FAM227B: variants seen among roughly 807,000 people sequenced by gnomAD.
FAM227B encodes the protein protein FAM227B.
Under a neutral mutation model 73.8 loss-of-function variants are expected in FAM227B, and 88 were observed. That is an observed-to-expected ratio of 1.19 (90% CI 1.00 to 1.42). The LOEUF (loss-of-function observed/expected upper bound fraction) is 1.42. FAM227B is among the 40% of genes most tolerant of loss of function. The pLI is 0.00. For missense variants in FAM227B, 632 were observed against 590.9 expected (o/e 1.07, Z -0.72); for synonymous variants, 210 against 190.5 (o/e 1.10, Z -0.84).
chr15:49,403,954 T>C, intron 11 of FAM227B, among the ~76,000 whole-genome samples: 1 of 152,198 alleles, frequency 6.6e-6, no homozygotes, highest in East Asian at 1.9e-4. Context: ...TTCTGGTATG[T>C]TGCATCTTTG....
intron 11 of FAM227B, among the ~76,000 whole-genome samples, chr15:49,460,526 T>C (rs1417866546): frequency 5.3e-5 from 8 of 152,338 alleles, no homozygotes; most frequent in Middle Eastern, 3.4e-3. Context: ...TTACTACTTA[T>C]ATTTTGACAT....
At chr15:49,431,952 G>C (rs1266379607) in intron 11 of FAM227B, among the ~76,000 whole-genome samples, 1 of 151,628 alleles carries the variant, frequency 6.6e-6, no homozygotes, top group Non-Finnish European at 1.5e-5. Flanking sequence ...ATACAGAGGG[G>C]TTGAAATGAT....
At chr15:49,565,047 G>A (rs934545477) in intron 9 of FAM227B, among the ~76,000 whole-genome samples, 3 of 151,904 alleles carry the variant, frequency 2.0e-5, no homozygotes, top group African/African-American at 4.8e-5. Context: ...TAGGTTGTTC[G>A]CATGAGTTTA....
chr15:49,475,645 A>T (rs1263159969), intron 11 of FAM227B, among the ~76,000 whole-genome samples: 1 of 151,884 alleles, frequency 6.6e-6, no homozygotes, highest in Admixed American at 6.6e-5. Context: ...ACAATTTGAT[A>T]TTTTTTTTAC....
intron 11 of FAM227B, among the ~76,000 whole-genome samples, chr15:49,415,864 G>A (rs116785355): frequency 2.2e-3 from 331 of 152,248 alleles, no homozygotes; most frequent in African/African-American, 7.4e-3. Flanking sequence ...AGGATTTATA[G>A]GGACCTCAGG....
chr15:49,580,371 C>T (rs1260381335), intron 5 of FAM227B, among the ~76,000 whole-genome samples: 1 of 152,150 alleles, frequency 6.6e-6, no homozygotes, highest in African/African-American at 2.4e-5. Flanking sequence ...CAAACTTCAA[C>T]ACTAAAAATA....
intron 11 of FAM227B, among the ~76,000 whole-genome samples, chr15:49,437,890 A>T (rs74012376): frequency 0.017 from 2,604 of 151,734 alleles, 94 homozygotes; most frequent in African/African-American, 0.06. Context: ...AGTGGAGGCC[A>T]GCTAACAGAA....
chr15:49,498,896 G>A (rs2057869346), intron 11 of FAM227B, among the ~76,000 whole-genome samples: 1 of 151,978 alleles, frequency 6.6e-6, no homozygotes, highest in Non-Finnish European at 1.5e-5. Context: ...GCCGGGCGCG[G>A]TGGCTCACGC....
At chr15:49,488,029 G>A (rs1431646970) in intron 11 of FAM227B, 1 of 151,876 alleles carries the variant, frequency 6.6e-6, no homozygotes, top group Admixed American at 6.6e-5. Flanking sequence ...GCATAGGAGT[G>A]ATAACAAAAA....
At chr15:49,510,417 GT>G (rs1487390709) in intron 10 of FAM227B, among the ~76,000 whole-genome samples, 2 of 151,978 alleles carry the variant, frequency 1.3e-5, no homozygotes, top group African/African-American at 2.4e-5. Context: ...ATTGTTGGAT[GT>G]TTTTGTTTTC....
Position 49,568,327 on chromosome 15 carries a change from T to C in FAM227B, c.665A>G (p.Asp222Gly), listed in dbSNP as rs2152351357. Residue 222 changes from aspartate to glycine, a missense_variant, in exon 9 of 16, where the codon GAT becomes GGT. By Grantham distance (94) the Asp-to-Gly change is moderately conservative (BLOSUM62 -1). Coordinates refer to ENST00000299338, the MANE Select transcript of FAM227B (RefSeq NM_152647.3). The part of the protein sequence containing the change: ...HKFRPDRENQ[D>G]CLFDRISESY... Reference sequence around the variant, plus strand: ...TTCTGAAATTCTATCGAATAAGCAATCTTGGTTTTCTCTGTCAGGCTTAAA... The same window carrying C: ...TTCTGAAATTCTATCGAATAAGCAACCTTGGTTTTCTCTGTCAGGCTTAAA... The C allele has an allele frequency of 1.2e-6, 2 of 1,610,422 alleles. No individual in the cohort carries two copies. Among genetic ancestry groups the C allele is most frequent in the Middle Eastern group, 1.7e-4 (1 of 6,050 alleles).
chr15:49,397,637 A>G lies in FAM227B; in HGVS notation c.1013-26238T>C, dbSNP rs1176135198. On this transcript the variant is annotated intron_variant, in intron 11 of 15. Transcript: ENST00000299338. ...CCCTCAAAGGGAAGTCCATCAGACT[A>G]ACAGCGGATCTCTTGGCAGAAACCC... 7.9e-5 allele frequency among the ~76,000 whole-genome samples: 12 copies of G among 152,244 alleles called. 1 individual carries two copies. The highest frequency in any genetic ancestry group is 2.9e-4 in the African/African-American group (12 of 41,454).
At chr15:49,425,788 G>A (rs2050074662) in intron 11 of FAM227B, among the ~76,000 whole-genome samples, 1 of 151,448 alleles carries the variant, frequency 6.6e-6, no homozygotes, top group Non-Finnish European at 1.5e-5. Context: ...TTTAATGACT[G>A]GACAGTTATG....
At chr15:49,595,634 G>A (rs1199957275) in intron 3 of FAM227B, among the ~76,000 whole-genome samples, 1 of 151,606 alleles carries the variant, frequency 6.6e-6, no homozygotes, top group Admixed American at 6.6e-5. Flanking sequence ...ATTTTGCTGA[G>A]GGTTTTAATC....
chr15:49,619,227 C>G (rs1380388735), intron 1 of FAM227B, among the ~76,000 whole-genome samples: 3 of 152,052 alleles, frequency 2.0e-5, no homozygotes, highest in Non-Finnish European at 4.4e-5. Flanking sequence ...GAAGTAAATT[C>G]ACTATGCTGG....
chr15:49,354,535 C>T (rs1036770409), intron 13 of FAM227B, among the ~76,000 whole-genome samples: 7 of 152,222 alleles, frequency 4.6e-5, no homozygotes, highest in East Asian at 3.9e-4. Context: ...TGCACTTTTC[C>T]GACCGGCTTA....
At chr15:49,530,793 A>G (rs10152787) in intron 10 of FAM227B, among the ~76,000 whole-genome samples, 47,857 of 151,456 alleles carry the variant, frequency 0.32, 8,125 homozygotes, top group African/African-American at 0.42. Context: ...AACTCATTTG[A>G]GTTTTAATAG....
intron 11 of FAM227B, among the ~76,000 whole-genome samples, chr15:49,473,275 TATAA>T (rs2054945826): frequency 6.6e-6 from 1 of 152,174 alleles, no homozygotes; most frequent in Non-Finnish European, 1.5e-5. Flanking sequence ...TTCACTATTA[TATAA>T]ATAAGTTCAT....
chr15:49,593,827 T>C (rs1328432665), intron 3 of FAM227B, among the ~76,000 whole-genome samples: 1 of 152,210 alleles, frequency 6.6e-6, no homozygotes, highest in African/African-American at 2.4e-5. Context: ...TTTATCAACT[T>C]GTTGATTGGG....
Sources: gnomAD v4.1 joint callset for allele counts (sites outside exome capture counted in the v4.1 genomes callset) on GRCh38, gnomAD v4.1.1 for gene constraint, MANE v1.5 for transcripts, NCBI Gene and HGNC (gene_info 2026-07-23, HGNC 2026-07-21) for gene names.